The following CDH12 variants were observed in gnomAD, a reference collection of about 807,000 sequenced individuals.
CDH12 encodes the protein cadherin-12.
CDH12 carries 41 observed loss-of-function variants against 74.1 expected under a neutral mutation model. That is an observed-to-expected ratio of 0.55 (90% CI 0.43 to 0.72). The LOEUF (loss-of-function observed/expected upper bound fraction) is 0.72, where lower values mean the gene tolerates loss of function less well. Ranked by LOEUF, CDH12 falls within the 30% of genes least tolerant of loss-of-function variation. The pLI, the probability that CDH12 is intolerant of heterozygous loss-of-function variation, is 0.00. For missense variants in CDH12, 945 were observed against 977.2 expected (o/e 0.97, Z 0.44); for synonymous variants, 399 against 355.0 (o/e 1.12, Z -1.39).
intron 1 of CDH12, among the ~76,000 whole-genome samples, chr5:22,605,166 G>T (rs1242701742): frequency 6.6e-6 from 1 of 152,216 alleles, no homozygotes; most frequent in Non-Finnish European, 1.5e-5. Flanking sequence ...GGAGCAAGAA[G>T]AAAGCATCCA....
intron 3 of CDH12, among the ~76,000 whole-genome samples, chr5:22,250,190 AAT>A (rs35658227): frequency 2.0e-5 from 3 of 150,190 alleles, no homozygotes; most frequent in African/African-American, 2.4e-5. Flanking sequence ...AAAAGAAAAG[AAT>A]ATATATATAT....
chr5:22,658,510 T>G (rs182846591), intron 1 of CDH12, among the ~76,000 whole-genome samples: 1 of 152,222 alleles, frequency 6.6e-6, no homozygotes, highest in Non-Finnish European at 1.5e-5. Context: ...GGGAGCTTGA[T>G]AAGAAATCAC....
intron 2 of CDH12, among the ~76,000 whole-genome samples, chr5:22,459,451 C>T (rs1745414645): frequency 6.6e-6 from 1 of 151,940 alleles, no homozygotes. Context: ...ATATATCATC[C>T]AGGCAAATTT....
chr5:22,115,074 C>G (rs1228791394), intron 4 of CDH12, among the ~76,000 whole-genome samples: 3 of 152,132 alleles, frequency 2.0e-5, no homozygotes, highest in African/African-American at 7.2e-5. Context: ...TCTACATTCT[C>G]TTTTAACCAC....
At chr5:22,602,675 ATG>A (rs1736907213) in intron 1 of CDH12, among the ~76,000 whole-genome samples, 1 of 152,130 alleles carries the variant, frequency 6.6e-6, no homozygotes, top group South Asian at 2.1e-4. Context: ...ACTCTTCCTT[ATG>A]AGATGACAGG....
intron 11 of CDH12, among the ~76,000 whole-genome samples, chr5:21,776,886 C>T (rs1045758011): frequency 1.3e-5 from 2 of 152,156 alleles, no homozygotes; most frequent in African/African-American, 2.4e-5. Context: ...CATATCATAA[C>T]TACCAAGTAT....
intron 2 of CDH12, among the ~76,000 whole-genome samples, chr5:22,437,612 A>C (rs1401233730): frequency 6.6e-6 from 1 of 151,850 alleles, no homozygotes; most frequent in Non-Finnish European, 1.5e-5. Context: ...TTCTTTTATA[A>C]ATTTTTAGGT....
chr5:22,422,011 C>T (rs374685257), intron 2 of CDH12, among the ~76,000 whole-genome samples: 1 of 152,134 alleles, frequency 6.6e-6, no homozygotes, highest in African/African-American at 2.4e-5. Flanking sequence ...TGTTTACATC[C>T]TTTGCCCAAT....
At chr5:21,882,930 A>AC in intron 6 of CDH12, 1 of 1,602,866 alleles carries the variant, frequency 6.2e-7, no homozygotes, top group Non-Finnish European at 8.5e-7. Context: ...GGATGGCACT[A>AC]CCACTGCTAC....
chr5:22,314,939 G>GTATT (rs1340897012), intron 3 of CDH12, among the ~76,000 whole-genome samples: 1 of 73,614 alleles, frequency 1.4e-5, no homozygotes, highest in Non-Finnish European at 2.9e-5. Context: ...CCCTGGGTTG[G>GTATT]TCTTTTTTTT....
chr5:22,434,663 C>T (rs544036538), intron 2 of CDH12, among the ~76,000 whole-genome samples: 18 of 152,188 alleles, frequency 1.2e-4, no homozygotes, highest in Admixed American at 3.3e-4. Context: ...TTTTATATAA[C>T]GTCATTTTAA....
At chr5:22,712,508 C>A (rs957166924) in intron 1 of CDH12, among the ~76,000 whole-genome samples, 1 of 152,034 alleles carries the variant, frequency 6.6e-6, no homozygotes, top group African/African-American at 2.4e-5. Context: ...TATAGGATAA[C>A]CTGATGAAAC....
At chr5:22,607,487 C>A (rs900036106) in intron 1 of CDH12, among the ~76,000 whole-genome samples, 1 of 152,180 alleles carries the variant, frequency 6.6e-6, no homozygotes, top group Non-Finnish European at 1.5e-5. Flanking sequence ...GAAGCAAAAG[C>A]GGAGACCCCT....
intron 4 of CDH12, among the ~76,000 whole-genome samples, chr5:22,204,247 C>T (rs969647754): frequency 2.6e-5 from 4 of 151,490 alleles, no homozygotes; most frequent in African/African-American, 9.7e-5. Flanking sequence ...ATCTCAGCTC[C>T]GCCTCGGGGT....
intron 1 of CDH12, among the ~76,000 whole-genome samples, chr5:22,848,432 C>T (rs1221867327): frequency 1.3e-5 from 2 of 152,138 alleles, no homozygotes; most frequent in African/African-American, 4.8e-5. Flanking sequence ...TCTTGCAAGA[C>T]TTTATCCCCC....
At chr5:22,609,253 T>C (rs1027305400) in intron 1 of CDH12, among the ~76,000 whole-genome samples, 2 of 152,222 alleles carry the variant, frequency 1.3e-5, no homozygotes, top group Admixed American at 1.3e-4. Flanking sequence ...TTTATACTTA[T>C]GTACATAATG....
chr5:22,004,330 A>G (rs1736806487), intron 5 of CDH12, among the ~76,000 whole-genome samples: 2 of 152,144 alleles, frequency 1.3e-5, no homozygotes, highest in African/African-American at 4.8e-5. Flanking sequence ...ACTGAACCCC[A>G]CTGGAGAAAT....
At chr5:22,847,364 AC>A (rs1488179996) in intron 1 of CDH12, among the ~76,000 whole-genome samples, 1 of 152,088 alleles carries the variant, frequency 6.6e-6, no homozygotes, top group Admixed American at 6.6e-5. Flanking sequence ...AATAATGGCA[AC>A]CCCTCATGGA....
intron 6 of CDH12, among the ~76,000 whole-genome samples, chr5:21,960,607 C>A (rs1267540422): frequency 6.6e-6 from 1 of 152,098 alleles, no homozygotes; most frequent in Non-Finnish European, 1.5e-5. Flanking sequence ...ACAAAAAAAT[C>A]AGACTGTAAA....
Sources: gnomAD v4.1 joint callset for allele counts (sites outside exome capture counted in the v4.1 genomes callset) on GRCh38, gnomAD v4.1.1 for gene constraint, MANE v1.5 for transcripts, NCBI Gene and HGNC (gene_info 2026-07-23, HGNC 2026-07-21) for gene names.